LDB2: variants seen among roughly 807,000 people sequenced by gnomAD.
LDB2 encodes the protein LIM domain-binding protein 2.
In LDB2, 12 loss-of-function variants were observed where a neutral mutation model predicts 44.3. The ratio of observed to expected loss-of-function variants is 0.27; its 90% CI spans 0.17 to 0.44. LDB2 has a LOEUF of 0.44. Among genes scored for constraint, LDB2 ranks in the 20% least tolerant of loss-of-function variants. LDB2 has a pLI of 1.00. For synonymous variants in LDB2, 164 were observed against 174.8 expected (o/e 0.94, Z 0.49); for missense variants, 344 against 473.5 (o/e 0.73, Z 2.54).
chr4:16,607,792 G>A (rs981643760), intron 2 of LDB2, among the ~76,000 whole-genome samples: 7 of 151,990 alleles, frequency 4.6e-5, no homozygotes, highest in South Asian at 2.1e-4. Context: ...GCACATTTGT[G>A]ATGTAAATAG....
chr4:16,551,269 A>G (rs990430911), intron 5 of LDB2, among the ~76,000 whole-genome samples: 86 of 152,216 alleles, frequency 5.6e-4, no homozygotes, highest in African/African-American at 2.0e-3. Flanking sequence ...TTAAAGTTGT[A>G]TTATGGATAC....
At chr4:16,571,040 A>T (rs974892738) in intron 5 of LDB2, among the ~76,000 whole-genome samples, 6 of 152,158 alleles carry the variant, frequency 3.9e-5, no homozygotes, top group African/African-American at 1.4e-4. Flanking sequence ...GGTATGTTGG[A>T]AAAGCAAAAA....
At chr4:16,737,140 C>T (rs966333922) in intron 2 of LDB2, among the ~76,000 whole-genome samples, 3 of 152,144 alleles carry the variant, frequency 2.0e-5, no homozygotes, top group East Asian at 1.9e-4. Flanking sequence ...TAAATTGATA[C>T]CAATTTTAAG....
At chr4:16,553,157 T>C (rs1738257097) in intron 5 of LDB2, among the ~76,000 whole-genome samples, 1 of 152,152 alleles carries the variant, frequency 6.6e-6, no homozygotes, top group South Asian at 2.1e-4. Flanking sequence ...AGGATTTTAT[T>C]ATTATTATTT....
At chr4:16,539,105 A>T (rs1322900980) in intron 5 of LDB2, among the ~76,000 whole-genome samples, 2 of 152,158 alleles carry the variant, frequency 1.3e-5, no homozygotes, top group Admixed American at 6.5e-5. Flanking sequence ...CACACAAGAG[A>T]TATGTATGTA....
chr4:16,805,336 C>G (rs1343857049), intron 1 of LDB2, among the ~76,000 whole-genome samples: 3 of 152,230 alleles, frequency 2.0e-5, no homozygotes, highest in Non-Finnish European at 4.4e-5. Context: ...AAACTCATTT[C>G]TATATCAGCA....
intron 2 of LDB2, among the ~76,000 whole-genome samples, chr4:16,742,065 T>G (rs1231796864): frequency 6.9e-6 from 1 of 145,282 alleles, no homozygotes; most frequent in Non-Finnish European, 1.5e-5. Context: ...TCTTTTTTTC[T>G]TTTCTTTTCT....
intron 5 of LDB2, among the ~76,000 whole-genome samples, chr4:16,558,723 C>T (rs1273202730): frequency 3.9e-5 from 6 of 152,046 alleles, no homozygotes; most frequent in Non-Finnish European, 7.4e-5. Flanking sequence ...CACAAAGATA[C>T]TCCTCGAGAA....
At chr4:16,764,151 A>G (rs1209101825) in intron 1 of LDB2, among the ~76,000 whole-genome samples, 1 of 152,136 alleles carries the variant, frequency 6.6e-6, no homozygotes, top group Non-Finnish European at 1.5e-5. Flanking sequence ...GTTATTTCCC[A>G]CTTTGGGTTG....
At chr4:16,564,980 A>G (rs1376700591) in intron 5 of LDB2, among the ~76,000 whole-genome samples, 1 of 152,236 alleles carries the variant, frequency 6.6e-6, no homozygotes, top group African/African-American at 2.4e-5. Flanking sequence ...TCTCGTTTGA[A>G]TCCAATTCTC....
At chr4:16,752,868 T>C (rs1190757054) in intron 2 of LDB2, among the ~76,000 whole-genome samples, 1 of 151,380 alleles carries the variant, frequency 6.6e-6, no homozygotes, top group East Asian at 1.9e-4. Context: ...ATGTTATCTC[T>C]GTCTCAATGG....
chr4:16,825,137 A>G (rs1045298041), intron 1 of LDB2, among the ~76,000 whole-genome samples: 1 of 152,204 alleles, frequency 6.6e-6, no homozygotes, highest in African/African-American at 2.4e-5. Context: ...CCTAGCAGAT[A>G]TAATGTGGGA....
At chr4:16,601,956 A>C (rs1722677596) in intron 2 of LDB2, among the ~76,000 whole-genome samples, 1 of 152,160 alleles carries the variant, frequency 6.6e-6, no homozygotes, top group Non-Finnish European at 1.5e-5. Context: ...GGGTGATACT[A>C]GTTCAAGGTA....
chr4:16,834,479 C>T (rs540574265), intron 1 of LDB2, among the ~76,000 whole-genome samples: 230 of 152,266 alleles, frequency 1.5e-3, no homozygotes, highest in Middle Eastern at 3.4e-3. Flanking sequence ...AGAATTCCAT[C>T]AGTGATAGTC....
chr4:16,888,811 C>A (rs2302194), intron 1 of LDB2: 238,089 of 683,698 alleles, frequency 0.35, 42,372 homozygotes, highest in Admixed American at 0.37. Flanking sequence ...TGCAATGTAA[C>A]TTTCAGGCTA....
rs568669797 is a variant in LDB2 at position 16,518,250 on chromosome 4, A to G, written c.616-6146T>C. 2.6e-5 allele frequency among the ~76,000 whole-genome samples: 4 copies of G among 152,254 alleles called. No homozygotes were observed. The South Asian group carries it at 8.3e-4, about 32-fold the overall frequency. On this transcript the variant is annotated intron_variant, in intron 5 of 7. Coordinates refer to ENST00000304523, the MANE Select transcript of LDB2 (RefSeq NM_001290.5). ...TTCTTTTCACTACACACTCATACCC[A>G]TTCTTCTGGGGCATCTCATTGCCCG...
At chr4:16,596,393 A>G (rs1001223996) in intron 2 of LDB2, among the ~76,000 whole-genome samples, 5 of 152,162 alleles carry the variant, frequency 3.3e-5, no homozygotes, top group African/African-American at 9.7e-5. Flanking sequence ...CAATCCCAAG[A>G]GAGTGCAGGA....
At chr4:16,716,145 A>C (rs1397555768) in intron 2 of LDB2, among the ~76,000 whole-genome samples, 2 of 152,188 alleles carry the variant, frequency 1.3e-5, no homozygotes, top group African/African-American at 2.4e-5. Flanking sequence ...TTTTTCTTAA[A>C]GGAAAGAAGG....
chr4:16,639,902 C>T (rs1734672591), intron 2 of LDB2, among the ~76,000 whole-genome samples: 2 of 152,228 alleles, frequency 1.3e-5, no homozygotes, highest in Non-Finnish European at 2.9e-5. Context: ...ACAGCGCTCA[C>T]ACTTGTGCAA....
Sources: allele counts gnomAD v4.1 joint callset (sites outside exome capture counted in the v4.1 genomes callset), GRCh38; gene constraint gnomAD v4.1.1; transcripts MANE v1.5; gene names NCBI Gene and HGNC (gene_info 2026-07-23, HGNC 2026-07-21).